Variants in FTCDNL1 observed in about 807,000 individuals in gnomAD.
The protein encoded by FTCDNL1 is formiminotransferase N-terminal subdomain-containing protein.
FTCDNL1 carries 11 observed loss-of-function variants against 5.9 expected under a neutral mutation model. The ratio of observed to expected loss-of-function variants is 1.87; its 90% CI spans 1.18 to 3.10. FTCDNL1 has a LOEUF of 3.10. FTCDNL1 is among the 30% of genes most tolerant of loss of function. FTCDNL1 has a pLI of 0.00. For synonymous variants in FTCDNL1, 58 were observed against 24.8 expected (o/e 2.34, Z -3.99); for missense variants, 115 against 65.5 (o/e 1.76, Z -2.61).
At chr2:199,788,983 C>G (rs780999278) in intron 3 of FTCDNL1, among the ~76,000 whole-genome samples, 15 of 149,726 alleles carry the variant, frequency 1.0e-4, no homozygotes, top group Non-Finnish European at 4.4e-5. Context: ...CAAATGAAAA[C>G]TTGAATATGG....
At chr2:199,795,908 A>C (rs1700148490) in intron 3 of FTCDNL1, among the ~76,000 whole-genome samples, 1 of 152,158 alleles carries the variant, frequency 6.6e-6, no homozygotes. Context: ...TCAAGCTCTT[A>C]GGTAAAAGCA....
In FTCDNL1 at chr2:199,811,859, C is replaced by CTAAG; in HGVS notation, c.*842_*845dup. On this transcript the variant is annotated 3_prime_UTR_variant, in exon 5 of 5. Transcript: ENST00000420128. ...GATAAAGTAAGCTTAGACATAAGCC[C>CTAAG]TAAGGACAAGAGTTCAATAAAGAAC... Among the ~76,000 whole-genome samples, 1 of 152,254 alleles carries CTAAG rather than the reference C, an allele frequency of 6.6e-6. No homozygotes were observed. Among genetic ancestry groups the CTAAG allele is most frequent in the South Asian group, 2.1e-4 (1 of 4,826 alleles).
intron 3 of FTCDNL1, among the ~76,000 whole-genome samples, chr2:199,761,971 G>T (rs536106889): frequency 1.3e-5 from 2 of 152,196 alleles, no homozygotes; most frequent in African/African-American, 4.8e-5. Context: ...CCAATCTTTT[G>T]GCTTCCCTAG....
chr2:199,666,286 G>A, the FTCDNL1 span, among the ~76,000 whole-genome samples: 30 of 152,050 alleles, frequency 2.0e-4, no homozygotes, highest in African/African-American at 6.0e-4. Context: ...AAGAAAAAAC[G>A]CACACACAGG....
chr2:199,679,072 G>A, the FTCDNL1 span, among the ~76,000 whole-genome samples: 5 of 151,934 alleles, frequency 3.3e-5, no homozygotes, highest in East Asian at 1.9e-4. Context: ...CCATCTTACC[G>A]GCATTCAAAA....
the FTCDNL1 span, among the ~76,000 whole-genome samples, chr2:199,751,586 C>A: frequency 6.6e-6 from 1 of 152,066 alleles, no homozygotes; most frequent in African/African-American, 2.4e-5. Context: ...AGAGCACCCC[C>A]ACTCCTCAAA....
rs1411495485 is a variant in FTCDNL1 at position 199,811,512 on chromosome 2, A to G, written c.*1193T>C. Reference sequence around the variant, plus strand: ...AGCATGACTATTCAAAATCCTTACCAGGCCTGTAGTGCTTCACCATTACGC... The same window carrying G: ...AGCATGACTATTCAAAATCCTTACCGGGCCTGTAGTGCTTCACCATTACGC... On this transcript the variant is annotated 3_prime_UTR_variant, in exon 5 of 5. Coordinates refer to ENST00000420128, the MANE Select transcript of FTCDNL1 (RefSeq NM_001363886.2). Among the ~76,000 whole-genome samples, 1 of 152,206 alleles carries G rather than the reference A, an allele frequency of 6.6e-6. No individual in the cohort carries two copies. Among genetic ancestry groups the G allele is most frequent in the Non-Finnish European group, 1.5e-5 (1 of 68,038 alleles).
chr2:199,821,713 T>C (rs1701704351), intron 3 of FTCDNL1, among the ~76,000 whole-genome samples: 1 of 152,148 alleles, frequency 6.6e-6, no homozygotes, highest in African/African-American at 2.4e-5. Context: ...TCTGCCTGCC[T>C]CAGCCTCCCA....
the FTCDNL1 span, among the ~76,000 whole-genome samples, chr2:199,717,136 G>A: frequency 3.0e-4 from 45 of 152,310 alleles, no homozygotes; most frequent in African/African-American, 9.6e-4. Flanking sequence ...AACATGGCTT[G>A]TGTCCTTAAT....
At chr2:199,784,950 A>G (rs932015725) in intron 3 of FTCDNL1, among the ~76,000 whole-genome samples, 2 of 152,210 alleles carry the variant, frequency 1.3e-5, no homozygotes, top group Non-Finnish European at 2.9e-5. Context: ...TGCCCAGTTA[A>G]CTCAAATTGC....
chr2:199,826,845 G>C (rs1026149720), intron 3 of FTCDNL1, among the ~76,000 whole-genome samples: 1 of 152,118 alleles, frequency 6.6e-6, no homozygotes, highest in African/African-American at 2.4e-5. Flanking sequence ...TGCATGAACA[G>C]TATTTTAGGG....
At chr2:199,729,413 T>C in the FTCDNL1 span, among the ~76,000 whole-genome samples, 1 of 152,196 alleles carries the variant, frequency 6.6e-6, no homozygotes, top group East Asian at 1.9e-4. Flanking sequence ...AGTCAAATTG[T>C]CTCTGTTTGT....
At chr2:199,786,228 C>G (rs1199626662) in intron 3 of FTCDNL1, among the ~76,000 whole-genome samples, 1 of 151,628 alleles carries the variant, frequency 6.6e-6, no homozygotes, top group Admixed American at 6.6e-5. Flanking sequence ...CAGGCATGAA[C>G]AGTCTGGGCT....
At chr2:199,764,538 A>G (rs1254832732) in intron 3 of FTCDNL1, among the ~76,000 whole-genome samples, 2 of 152,198 alleles carry the variant, frequency 1.3e-5, no homozygotes, top group Admixed American at 6.5e-5. Flanking sequence ...GAACATGAAT[A>G]TTCATAAAGT....
the FTCDNL1 span, among the ~76,000 whole-genome samples, chr2:199,744,148 G>A: frequency 1.3e-5 from 2 of 152,094 alleles, no homozygotes; most frequent in East Asian, 1.9e-4. Flanking sequence ...ACTGCTTTAG[G>A]AAAAGGGCTG....
At chr2:199,765,557 T>TATATATATATA (rs1553535935) in intron 3 of FTCDNL1, among the ~76,000 whole-genome samples, 1 of 30,506 alleles carries the variant, frequency 3.3e-5, no homozygotes, top group African/African-American at 7.1e-5. Flanking sequence ...TATATATATA[T>TATATATATATA]TTTTTTTTTT....
chr2:199,710,136 C>G, the FTCDNL1 span, among the ~76,000 whole-genome samples: 6 of 152,148 alleles, frequency 3.9e-5, no homozygotes, highest in Non-Finnish European at 7.4e-5. Context: ...ACTCTGCCTT[C>G]TTGTTTCAGC....
chr2:199,788,340 AT>A (rs1272255156), intron 3 of FTCDNL1, among the ~76,000 whole-genome samples: 6 of 150,262 alleles, frequency 4.0e-5, no homozygotes, highest in Admixed American at 6.7e-5. Context: ...CTAGGGGAAT[AT>A]TTTTTTAGTA....
At chr2:199,725,245 C>T in the FTCDNL1 span, among the ~76,000 whole-genome samples, 1 of 152,198 alleles carries the variant, frequency 6.6e-6, no homozygotes, top group East Asian at 1.9e-4. Context: ...ATAAATTTTC[C>T]TTCATCCTTT....
Sources: gnomAD v4.1 joint callset for allele counts (sites outside exome capture counted in the v4.1 genomes callset) on GRCh38, gnomAD v4.1.1 for gene constraint, MANE v1.5 for transcripts, NCBI Gene and HGNC (gene_info 2026-07-23, HGNC 2026-07-21) for gene names.